TRANK1: variants seen among roughly 807,000 people sequenced by gnomAD.
TRANK1 encodes the protein tetratricopeptide repeat and ankyrin repeat containing 1, also known as TPR and ankyrin repeat-containing protein 1.
A neutral mutation model predicts 266.0 loss-of-function variants in TRANK1; 198 were observed. The observed-to-expected ratio is 0.74, with a 90% CI of 0.66 to 0.84. The LOEUF is 0.84. Among genes scored for constraint, TRANK1 ranks in the 40% least tolerant of loss-of-function variants. The pLI is 0.00. For synonymous variants in TRANK1, 1,396 were observed against 1,384.1 expected (o/e 1.01, Z -0.19); for missense variants, 3,326 against 3,634.6 (o/e 0.92, Z 2.18).
At chr3:36,915,409 T>A (rs183368186) in intron 1 of TRANK1, among the ~76,000 whole-genome samples, 85 of 152,378 alleles carry the variant, frequency 5.6e-4, no homozygotes, top group Non-Finnish European at 9.3e-4. Flanking sequence ...AATATCCTCC[T>A]TCTAGCTATT....
intron 12 of TRANK1, 109 bp from the exon 13 acceptor site, chr3:36,858,158 C>G: frequency 1.1e-6 from 1 of 915,756 alleles, no homozygotes; most frequent in Non-Finnish European, 1.6e-6. Flanking sequence ...GAATGCTGAA[C>G]TCCCCCAAAA....
At chr3:36,894,328 A>G (rs1401533972) in intron 5 of TRANK1, among the ~76,000 whole-genome samples, 1 of 151,870 alleles carries the variant, frequency 6.6e-6, no homozygotes, top group Non-Finnish European at 1.5e-5. Context: ...CCTGCTAATG[A>G]GGCCTAAGGC....
In TRANK1 at chr3:36,833,628, C is replaced by G. The variant is rs1432933783; in HGVS notation, c.5955G>C (p.Lys1985Asn). ...LLEAARLTAD[K>N]DFQASCLLGA... ...CCAGCAGACATGAGGCCTGGAAGTC[C>G]TTGTCGGCAGTGAGCCTGGCAGCCT... The change falls in exon 22 of 24, where the codon AAG (lysine) becomes AAC (asparagine). Residue 1985 changes from lysine to asparagine, a missense_variant. Transcript: ENST00000645898. 6.2e-7 allele frequency: 1 copy of G among 1,613,910 alleles called. No homozygotes were observed. Among genetic ancestry groups the G allele is most frequent in the Non-Finnish European group, 8.5e-7 (1 of 1,179,840 alleles).
chr3:36,866,052 AAAAGAAAG>A (rs56714482), intron 9 of TRANK1, among the ~76,000 whole-genome samples: 8,574 of 127,804 alleles, frequency 0.067, 317 homozygotes, highest in African/African-American at 0.079. Context: ...GACAGAAAGA[AAAAGAAAG>A]AAAGAAAGAA....
intron 1 of TRANK1, among the ~76,000 whole-genome samples, chr3:36,926,479 TG>T: frequency 6.6e-6 from 1 of 152,312 alleles, no homozygotes; most frequent in East Asian, 1.9e-4. Flanking sequence ...GAGAGAGACC[TG>T]GGCCAATCGA....
chr3:36,919,603 A>T (rs548984048), intron 1 of TRANK1, among the ~76,000 whole-genome samples: 22 of 152,214 alleles, frequency 1.4e-4, no homozygotes, highest in Non-Finnish European at 3.2e-4. Flanking sequence ...TATGTCTTTC[A>T]GTGAGTTATT....
upstream of TRANK1, chr3:36,945,166 T>C (rs1374578103): frequency 3.6e-6 from 1 of 278,690 alleles, no homozygotes; most frequent in Non-Finnish European, 6.7e-6. Context: ...TCTCCCGTCA[T>C]GCAAGCAAAT....
intron 12 of TRANK1, 135 bp downstream of exon 12, chr3:36,858,582 TG>T: frequency 1.0e-6 from 1 of 999,512 alleles, no homozygotes; most frequent in Non-Finnish European, 1.3e-6. Context: ...CCAGGTGACA[TG>T]GGCAGGCCTG....
intron 2 of TRANK1, among the ~76,000 whole-genome samples, chr3:36,908,117 C>T (rs2125631855): frequency 6.6e-6 from 1 of 152,316 alleles, no homozygotes; most frequent in African/African-American, 2.4e-5. Context: ...TTATGTTTAT[C>T]AACAGTCCTC....
At chr3:36,850,358 G>T in intron 15 of TRANK1, 2 of 985,434 alleles carry the variant, frequency 2.0e-6, no homozygotes, top group Non-Finnish European at 2.4e-6. Flanking sequence ...CAATTCGCAT[G>T]CGAGGCTTTA....
chr3:36,849,477 C>G (rs943033380), intron 15 of TRANK1, among the ~76,000 whole-genome samples: 5 of 152,246 alleles, frequency 3.3e-5, no homozygotes, highest in Middle Eastern at 6.8e-3. Context: ...GAATCACAAA[C>G]CAGGCCAACA....
intron 3 of TRANK1, 64 bp downstream of exon 3, chr3:36,903,085 C>CCTT: frequency 1.3e-6 from 2 of 1,495,174 alleles, no homozygotes; most frequent in Non-Finnish European, 1.8e-6. Context: ...TCCTTTCATA[C>CCTT]CTTCATCCAC....
intron 1 of TRANK1, among the ~76,000 whole-genome samples, chr3:36,931,069 T>C (rs1331234676): frequency 6.6e-6 from 1 of 152,178 alleles, no homozygotes; most frequent in African/African-American, 2.4e-5. Flanking sequence ...ATATGGCCTT[T>C]GAAGCAGCAA....
chr3:36,874,291 T>C lies in TRANK1; in HGVS notation c.913A>G (p.Thr305Ala). 2 of 1,536,876 alleles carry C rather than the reference T, an allele frequency of 1.3e-6. No homozygotes were observed. The highest frequency in any genetic ancestry group is 1.7e-6 in the Non-Finnish European group (2 of 1,146,730). Residue 305 changes from threonine (T) to alanine (A), a missense_variant, in exon 9 of 24, where the codon ACA becomes GCA. Physicochemically the swap from Thr to Ala is moderately conservative, Grantham distance 58 (BLOSUM62 0). Transcript: ENST00000645898. ...CGCAGGAGCATCTGCACATCCTCTG[T>C]TTGTCCTAGGGCAGGCCAAAATGAG... ...HSPGYLVKRQ[T>A]EDVQMLLRFG...
intron 8 of TRANK1, among the ~76,000 whole-genome samples, chr3:36,875,260 C>T (rs1001076374): frequency 2.0e-5 from 3 of 152,210 alleles, no homozygotes; most frequent in African/African-American, 4.8e-5. Context: ...TCCTAACAGT[C>T]AAAGTTCTAG....
chr3:36,865,723 T>TAC (rs1244254182), intron 9 of TRANK1, among the ~76,000 whole-genome samples: 2 of 151,988 alleles, frequency 1.3e-5, no homozygotes, highest in South Asian at 2.1e-4. Context: ...CATACACATG[T>TAC]ACACACACAC....
intron 1 of TRANK1, among the ~76,000 whole-genome samples, chr3:36,926,686 G>C (rs1416137648): frequency 1.3e-5 from 2 of 152,146 alleles, no homozygotes; most frequent in Non-Finnish European, 2.9e-5. Flanking sequence ...ACTCTAACGA[G>C]TTCACTGTGT....
rs1173528744 is a variant in TRANK1, at chr3:36,860,970, GA to G, written c.1430del (p.Ile477ThrfsTer18). On this transcript the variant is annotated frameshift_variant, in exon 11 of 24. Transcript: ENST00000645898. LOFTEE classifies it high-confidence loss of function. Reference protein sequence around the residue: ...NFSDLDICTIIPHLSTWDQRK... With the variant: ...NFSDLDICTIXPHLSTWDQRK... ...GCTGGTCCCAGGTGCTGAGATGGGG[GA>G]TGATGGTACAGATGTCGAGGTCTGA... 6.5e-7 allele frequency: 1 copy of G among 1,537,764 alleles called. No individual in the cohort carries two copies. The highest frequency in any genetic ancestry group is 2.4e-5 in the East Asian group (1 of 40,918).
chr3:36,861,483 A>T (rs1054893517), intron 10 of TRANK1, among the ~76,000 whole-genome samples: 2 of 152,150 alleles, frequency 1.3e-5, no homozygotes, highest in Admixed American at 1.3e-4. Flanking sequence ...ATTTTGCATG[A>T]TATTAAGAGT....
Sources: gnomAD v4.1 joint callset for allele counts (sites outside exome capture counted in the v4.1 genomes callset) on GRCh38, gnomAD v4.1.1 for gene constraint, MANE v1.5 for transcripts, NCBI Gene and HGNC (gene_info 2026-07-23, HGNC 2026-07-21) for gene names.